Variants in CMTM4 observed in about 807,000 individuals in gnomAD.
CMTM4 encodes the protein CKLF-like MARVEL transmembrane domain-containing protein 4.
Under a neutral mutation model 19.0 loss-of-function variants are expected in CMTM4, and 8 were observed. That is an observed-to-expected ratio of 0.42 (90% CI 0.25 to 0.76). The LOEUF (loss-of-function observed/expected upper bound fraction) is 0.76. CMTM4 is among the 30% of genes least tolerant of loss of function. CMTM4 has a pLI of 0.27. For missense variants in CMTM4, 228 were observed against 290.2 expected, an observed-to-expected ratio of 0.79 and a Z score of 1.56; for synonymous variants, 106 against 121.1, an observed-to-expected ratio of 0.88 and a Z score of 0.82.
intron 1 of CMTM4, among the ~76,000 whole-genome samples, chr16:66,667,308 G>C (rs907106221): frequency 4.6e-5 from 7 of 151,908 alleles, no homozygotes; most frequent in Admixed American, 2.0e-4. Context: ...CTGGGCACCA[G>C]AGCAAGACTC....
chr16:66,671,605 C>T (rs780944990), intron 1 of CMTM4, among the ~76,000 whole-genome samples: 15 of 152,198 alleles, frequency 9.9e-5, no homozygotes, highest in Non-Finnish European at 2.1e-4. Flanking sequence ...CTGTTGCTTA[C>T]ACAGCTTGTC....
intron 1 of CMTM4, among the ~76,000 whole-genome samples, chr16:66,688,527 AACACACACAC>A (rs59727449): frequency 1.1e-4 from 17 of 148,478 alleles, no homozygotes; most frequent in South Asian, 4.3e-4. Context: ...CACTCCCCTC[AACACACACAC>A]ACACACACAC....
chr16:66,661,199 G>A (rs2016493580), intron 1 of CMTM4, among the ~76,000 whole-genome samples: 2 of 152,110 alleles, frequency 1.3e-5, no homozygotes, highest in African/African-American at 4.8e-5. Context: ...GTGAATAAGA[G>A]ACTTCAGATT....
chr16:66,608,344 G>A, the CMTM4 span: 650 of 1,614,162 alleles, frequency 4.0e-4, no homozygotes, highest in Non-Finnish European at 5.1e-4. This position sits in a 1 kb window ranked among gnomAD's most constrained non-coding sequence, Gnocchi z 5.1. Context: ...GCTATGTGGC[G>A]TCCTCAGCAT....
downstream of CMTM4, chr16:66,612,744 G>C (rs1043417423): frequency 1.8e-6 from 2 of 1,134,336 alleles, no homozygotes; most frequent in Non-Finnish European, 2.6e-6. The surrounding 1 kb of genome is among the most constrained non-coding windows in gnomAD (Gnocchi z 6.0). Context: ...AGTTGCAGAG[G>C]GGGCTGCGGA....
intron 2 of CMTM4, among the ~76,000 whole-genome samples, chr16:66,631,156 G>C (rs1367007105): frequency 6.6e-6 from 1 of 151,362 alleles, no homozygotes; most frequent in African/African-American, 2.4e-5. Flanking sequence ...CACCCCGTCC[G>C]GGAGGGAGGT....
At chr16:66,633,104 T>TATATATAA (rs2015910096) in intron 2 of CMTM4, among the ~76,000 whole-genome samples, 1 of 24,812 alleles carries the variant, frequency 4.0e-5, no homozygotes, top group Non-Finnish European at 9.5e-5. Flanking sequence ...TATATATAAA[T>TATATATAA]ATATATATAT....
intron 1 of CMTM4, among the ~76,000 whole-genome samples, chr16:66,642,161 CT>C (rs1488126404): frequency 1.3e-4 from 20 of 152,126 alleles, no homozygotes; most frequent in African/African-American, 4.8e-4. Flanking sequence ...TAAAAACTAC[CT>C]ATTGACCAAG....
At position 66,616,105 on chromosome 16, in the gene CMTM4, G is replaced by A. The variant is rs1404280436; in HGVS notation, c.*5953C>T. ...CCAAAACCTCAAAACTACCATTGTT[G>A]AAAACAATATTAAAAGGACACAATC... On this transcript the variant is annotated 3_prime_UTR_variant, in exon 4 of 4. Coordinates refer to ENST00000394106, the MANE Select transcript of CMTM4 (RefSeq NM_181521.3). 1 of 151,888 alleles carries A rather than the reference G, an allele frequency of 6.6e-6. No homozygotes were observed. Among genetic ancestry groups the A allele is most frequent in the African/African-American group, 2.4e-5 (1 of 41,348 alleles). 9.4% of individuals were successfully genotyped at this position (151,888 alleles called of 1,614,324 possible).
At chr16:66,628,137 CCTCCCGCCATAGGGCGGTTTTT>C (rs1338955941) in intron 2 of CMTM4, among the ~76,000 whole-genome samples, 1 of 152,232 alleles carries the variant, frequency 6.6e-6, no homozygotes, top group Non-Finnish European at 1.5e-5. Context: ...ACATGTCTCG[CCTCCCGCCATAGGGCGGTTTTT>C]CTCCTATCTC....
chr16:66,605,419 G>C, the CMTM4 span: 2 of 153,632 alleles, frequency 1.3e-5, no homozygotes, highest in Non-Finnish European at 2.9e-5. This position sits in a 1 kb window ranked among gnomAD's most constrained non-coding sequence, Gnocchi z 4.6. Context: ...CCCCACCCCC[G>C]GGACTGGGTG....
rs1483630900 is a variant in CMTM4 at position 66,620,331 on chromosome 16, C to G, written c.*1727G>C. On this transcript the variant is annotated 3_prime_UTR_variant, in exon 4 of 4. Coordinates refer to ENST00000394106, the MANE Select transcript of CMTM4 (RefSeq NM_181521.3). The stretch of plus-strand genomic sequence containing the variant: ...GGCCTGGCTGCCCTCTCTGTGGGAG[C>G]AGAGGGGAGACGAGTTGTTAACAGG... 4 of 985,374 alleles carry G rather than the reference C, an allele frequency of 4.1e-6. No homozygotes were observed. The highest frequency in any genetic ancestry group is 4.8e-6 in the Non-Finnish European group (4 of 829,968). 61.0% of individuals were successfully genotyped at this position (985,374 alleles called of 1,614,324 possible). A position where few individuals can be genotyped will look rare whatever the true frequency, so the allele number is the denominator to read the frequency against.
chr16:66,685,325 C>T (rs141789433), intron 1 of CMTM4, among the ~76,000 whole-genome samples: 2 of 152,104 alleles, frequency 1.3e-5, no homozygotes, highest in East Asian at 3.9e-4. Context: ...ATGCGAGAGT[C>T]AGTGATAACA....
At chr16:66,685,729 C>T (rs1455453174) in intron 1 of CMTM4, among the ~76,000 whole-genome samples, 4 of 152,144 alleles carry the variant, frequency 2.6e-5, no homozygotes, top group Admixed American at 6.5e-5. Context: ...CTGCAACCTC[C>T]GCCTCCCAGG....
At position 66,616,507 on chromosome 16, in the gene CMTM4, A is replaced by G. The variant is rs1377487998; in HGVS notation, c.*5551T>C. On this transcript the variant is annotated 3_prime_UTR_variant, in exon 4 of 4. Transcript: ENST00000394106. Reference sequence around the variant, plus strand: ...TCATTTTAAAATGGGTTACAGAGTGAAAGAGTTGGGAACAGGCAGCCCCCT... The same window carrying G: ...TCATTTTAAAATGGGTTACAGAGTGGAAGAGTTGGGAACAGGCAGCCCCCT... The G allele has an allele frequency of 6.6e-6, 1 of 152,216 alleles. No individual in the cohort carries two copies. Among genetic ancestry groups the G allele is most frequent in the African/African-American group, 2.4e-5 (1 of 41,458 alleles). The allele number at this position is 152,216 out of a possible 1,614,324, so 9.4% of individuals were successfully genotyped here.
intron 1 of CMTM4, among the ~76,000 whole-genome samples, chr16:66,636,822 AC>A (rs2016001495): frequency 6.6e-6 from 1 of 152,168 alleles, no homozygotes; most frequent in East Asian, 1.9e-4. Flanking sequence ...CACCACATAC[AC>A]TGAAATCAAT....
intron 1 of CMTM4, among the ~76,000 whole-genome samples, chr16:66,638,919 C>CAAAA (rs61482726): frequency 7.2e-6 from 1 of 139,440 alleles, no homozygotes. Context: ...GTTCTCACCA[C>CAAAA]AAAAAAAAAA....
intron 1 of CMTM4, among the ~76,000 whole-genome samples, chr16:66,654,912 A>G (rs1386079629): frequency 1.3e-5 from 2 of 152,316 alleles, no homozygotes; most frequent in Non-Finnish European, 2.9e-5. Flanking sequence ...GCCCTCAGAT[A>G]TATTTCCTGT....
At chr16:66,623,594 T>G in intron 2 of CMTM4, 92 bp from the exon 3 acceptor site, 1 of 768,660 alleles carries the variant, frequency 1.3e-6, no homozygotes, top group Non-Finnish European at 2.1e-6. Flanking sequence ...AGACCCACGA[T>G]ACCCAACCTC....
Sources: gnomAD v4.1 joint callset for allele counts (sites outside exome capture counted in the v4.1 genomes callset) on GRCh38, gnomAD v4.1.1 for gene constraint, Gnocchi (gnomAD v3.1) non-coding constraint, MANE v1.5 for transcripts, NCBI Gene and HGNC (gene_info 2026-07-23, HGNC 2026-07-21) for gene names.